The following CD3G variants were observed in gnomAD, a reference collection of about 807,000 sequenced individuals.
CD3G encodes T-cell surface glycoprotein CD3 gamma chain.
In CD3G, 24 loss-of-function variants were observed where a neutral mutation model predicts 28.3. The observed-to-expected ratio is 0.85, with a 90% CI of 0.61 to 1.19. The LOEUF is 1.19. Ranked by LOEUF, CD3G falls within the 50% of genes most tolerant of loss-of-function variation. The pLI, the probability that CD3G is intolerant of heterozygous loss-of-function variation, is 0.00. For synonymous variants in CD3G, 71 were observed against 75.9 expected (o/e 0.93, Z 0.34); for missense variants, 211 against 210.0 (o/e 1.00, Z -0.03).
At chr11:118,347,188 T>C (rs1948364805) in intron 1 of CD3G, among the ~76,000 whole-genome samples, 1 of 152,210 alleles carries the variant, frequency 6.6e-6, no homozygotes, top group African/African-American at 2.4e-5. Context: ...ACCTCTCTTG[T>C]CCTTTTCCAA....
intron 3 of CD3G, 40 bp downstream of exon 3, chr11:118,350,010 C>A: frequency 1.3e-6 from 2 of 1,516,448 alleles, no homozygotes; most frequent in South Asian, 1.1e-5. Context: ...TGAAATTAAT[C>A]AGTATTTGCT....
chr11:118,350,544 C>G lies in CD3G; in HGVS notation c.308-8C>G. On this transcript the variant is annotated splice_region_variant and splice_polypyrimidine_tract_variant and intron_variant, in intron 3 of 6. Transcript: ENST00000532917. ...AACCTGAAGGTTTGTCTCTCCTTTTCCCTACAGTGTGTCAGAACTGCATTG... is the reference window on the plus strand; with the variant it reads ...AACCTGAAGGTTTGTCTCTCCTTTTGCCTACAGTGTGTCAGAACTGCATTG... 6.2e-7 allele frequency: 1 copy of G among 1,605,724 alleles called. No homozygotes were observed. Among genetic ancestry groups the G allele is most frequent in the Non-Finnish European group, 8.5e-7 (1 of 1,172,530 alleles).
At position 118,349,771 on chromosome 11, in the gene CD3G, T is replaced by C; in HGVS notation, c.108T>C (p.Tyr36=). The C allele has an allele frequency of 6.2e-7, 1 of 1,614,060 alleles. No homozygotes were observed. The highest frequency in any genetic ancestry group is 1.6e-4 in the Middle Eastern group (1 of 6,062). ...KGNHLVKVYD[Y]QEDGSVLLTC... is the part of the protein sequence containing the mutation. ...ACCACTTGGTTAAGGTGTATGACTA[T>C]CAAGAAGATGGTTCGGTACTTCTGA... The change falls in exon 3 of 7, where the codon TAT becomes TAC. Residue 36 remains tyrosine, a synonymous_variant. Transcript: ENST00000532917.
At chr11:118,345,900 G>A (rs547513954) in intron 1 of CD3G, among the ~76,000 whole-genome samples, 31 of 152,376 alleles carry the variant, frequency 2.0e-4, no homozygotes, top group African/African-American at 7.5e-4. Context: ...GAGACTTGAA[G>A]AGGACAGTGA....
intron 2 of CD3G, 63 bp from the exon 3 acceptor site, chr11:118,349,680 G>T: frequency 8.3e-7 from 1 of 1,204,994 alleles, no homozygotes; most frequent in South Asian, 1.2e-5. Flanking sequence ...CTCCTGGTAT[G>T]CAGAAGCAGG....
At chr11:118,350,360 C>G (rs1243669626) in intron 3 of CD3G, among the ~76,000 whole-genome samples, 192 bp from the exon 4 acceptor site, 1 of 152,066 alleles carries the variant, frequency 6.6e-6, no homozygotes, top group Non-Finnish European at 1.5e-5. Flanking sequence ...ATGGGCTTCC[C>G]CAGGAATCCT....
chr11:118,344,831 G>A (rs1224236057), intron 1 of CD3G, among the ~76,000 whole-genome samples: 2 of 152,358 alleles, frequency 1.3e-5, no homozygotes, highest in African/African-American at 4.8e-5. Flanking sequence ...GCTAGCAGTC[G>A]ACCTAGGAAA....
At position 118,352,439 on chromosome 11, in the gene CD3G, C is replaced by T; in HGVS notation, c.519C>T (p.His173=). Reference sequence around the variant, plus strand: ...ATCGAGAAGATGACCAGTACAGCCACCTTCAAGGAAACCAGTTGAGGAGGA... The same window carrying T: ...ATCGAGAAGATGACCAGTACAGCCATCTTCAAGGAAACCAGTTGAGGAGGA... ...LKDREDDQYS[H]LQGNQLRRN is the part of the protein sequence containing the mutation. The change falls in exon 6 of 7, where the codon CAC becomes CAT. Residue 173 remains histidine, a synonymous_variant. Coordinates refer to ENST00000532917, the MANE Select transcript of CD3G (RefSeq NM_000073.3). The T allele has an allele frequency of 1.2e-6, 2 of 1,614,124 alleles. No homozygotes were observed. The highest frequency in any genetic ancestry group is 1.7e-6 in the Non-Finnish European group (2 of 1,179,980).
rs774233735 is a variant in CD3G, at chr11:118,350,615, T to G, written c.371T>G (p.Val124Gly). ...TISGFLFAEIVSIFVLAVGVY... is the reference protein window; with the variant it reads ...TISGFLFAEIGSIFVLAVGVY... The stretch of plus-strand genomic sequence containing the variant: ...TCTGGCTTTCTCTTTGCTGAAATCG[T>G]CAGCATTTTCGTCCTTGCTGTTGGG... Residue 124 changes from valine (V) to glycine (G), a missense_variant, in exon 4 of 7, where the codon GTC becomes GGC. By Grantham distance (109) the Val-to-Gly change is moderately radical (BLOSUM62 -3). Coordinates refer to ENST00000532917, the MANE Select transcript of CD3G (RefSeq NM_000073.3). 3 of 1,614,102 alleles carry G rather than the reference T, an allele frequency of 1.9e-6. No homozygotes were observed. Among genetic ancestry groups the G allele is most frequent in the Non-Finnish European group, 2.5e-6 (3 of 1,180,010 alleles).
intron 2 of CD3G, 87 bp downstream of exon 2, chr11:118,349,137 C>G (rs1193645729): frequency 1.2e-6 from 2 of 1,613,032 alleles, no homozygotes; most frequent in Non-Finnish European, 1.7e-6. Flanking sequence ...CAGGAGCGAA[C>G]AGTTTAGAAT....
At chr11:118,352,711 C>T (rs1340688187) in intron 6 of CD3G, among the ~76,000 whole-genome samples, 1 of 152,218 alleles carries the variant, frequency 6.6e-6, no homozygotes, top group African/African-American at 2.4e-5. Context: ...CCTGTCAGAG[C>T]AGGGCCTCAA....
chr11:118,351,919 T>C (rs35902434), intron 5 of CD3G, among the ~76,000 whole-genome samples: 29,618 of 151,882 alleles, frequency 0.2, 3,426 homozygotes, highest in East Asian at 0.51. Context: ...CTCGACAGGC[T>C]GGGCACTCAC....
At chr11:118,350,908 A>AAAC in intron 4 of CD3G, 1 of 1,276,942 alleles carries the variant, frequency 7.8e-7, no homozygotes, top group Non-Finnish European at 1.0e-6. Context: ...AAAAAACAAA[A>AAAC]ACAGGCGCAG....
chr11:118,347,897 A>G (rs572370111), intron 1 of CD3G, among the ~76,000 whole-genome samples: 9 of 152,280 alleles, frequency 5.9e-5, no homozygotes, highest in African/African-American at 2.2e-4. Context: ...CTGGGATTAC[A>G]GGTGTGAGCC....
chr11:118,351,697 C>A (rs367820786), intron 5 of CD3G, 26 bp downstream of exon 5: 37 of 1,609,598 alleles, frequency 2.3e-5, no homozygotes, highest in Non-Finnish European at 3.0e-5. Flanking sequence ...ATAAAAGAGA[C>A]ATTGCTGTAA....
At chr11:118,348,600 G>A (rs1948377562) in intron 1 of CD3G, among the ~76,000 whole-genome samples, 1 of 152,074 alleles carries the variant, frequency 6.6e-6, no homozygotes, top group African/African-American at 2.4e-5. Flanking sequence ...TTGAATCATT[G>A]GCCGCTTGAC....
chr11:118,352,263 A>G, intron 5 of CD3G, 141 bp from the exon 6 acceptor site: 1 of 773,398 alleles, frequency 1.3e-6, no homozygotes, highest in Non-Finnish European at 2.3e-6. Context: ...CAGAGCCTCC[A>G]TCTCCTTGTC....
rs372079196 is a variant in CD3G, at chr11:118,350,889, G to GAAAAAAAA, written c.439+213_439+220dup. 114 of 632,216 alleles carry GAAAAAAAA rather than the reference G, an allele frequency of 1.8e-4. 1 individual carries two copies. The highest frequency in any genetic ancestry group is 7.9e-4 in the African/African-American group (29 of 36,696). The allele number at this position is 632,216 out of a possible 1,614,324, so 39.2% of individuals were successfully genotyped here. ...TGTCTCAAGATACAGCTCCCTCTGT[G>GAAAAAAAA]AAAAAAAAAAAAAACAAAAACAGGC... On this transcript the variant is annotated intron_variant, in intron 4 of 6. Coordinates refer to ENST00000532917, the MANE Select transcript of CD3G (RefSeq NM_000073.3).
intron 2 of CD3G, chr11:118,349,316 C>G (rs1180826091): frequency 7.1e-7 from 1 of 1,400,086 alleles, no homozygotes; most frequent in Non-Finnish European, 9.3e-7. Flanking sequence ...GACCCATGAA[C>G]CAGTAGGTAT....
Sources: gnomAD v4.1 joint callset for allele counts (sites outside exome capture counted in the v4.1 genomes callset) on GRCh38, gnomAD v4.1.1 for gene constraint, MANE v1.5 for transcripts, NCBI Gene and HGNC (gene_info 2026-07-23, HGNC 2026-07-21) for gene names.